Variants in CCNYL1 observed in about 807,000 individuals in gnomAD.
The protein encoded by CCNYL1 is cyclin Y like 1.
CCNYL1 carries 16 observed loss-of-function variants against 44.2 expected under a neutral mutation model. The ratio of observed to expected loss-of-function variants is 0.36; its 90% confidence interval spans 0.25 to 0.55. The LOEUF (loss-of-function observed/expected upper bound fraction) is 0.55. Ranked by LOEUF, CCNYL1 falls within the 20% of genes least tolerant of loss-of-function variation. The pLI, the probability that CCNYL1 is intolerant of heterozygous loss-of-function variation, is 0.85. For synonymous variants in CCNYL1, 159 were observed against 163.2 expected (o/e 0.97, Z 0.20); for missense variants, 348 against 451.8 (o/e 0.77, Z 2.08).
chr2:207,723,860 G>A (rs749496702), intron 1 of CCNYL1, among the ~76,000 whole-genome samples: 15 of 133,174 alleles, frequency 1.1e-4, no homozygotes, highest in South Asian at 7.9e-4. Context: ...GGGCAATAGA[G>A]TGAGACTCCA....
At chr2:207,714,208 T>C in intron 1 of CCNYL1, 1 of 363,812 alleles carries the variant, frequency 2.7e-6, no homozygotes, top group Non-Finnish European at 5.2e-6. Flanking sequence ...GAATGCATCA[T>C]GTATTTTACC....
At chr2:207,751,715 G>A (rs1360643990) in intron 9 of CCNYL1, among the ~76,000 whole-genome samples, 3 of 152,152 alleles carry the variant, frequency 2.0e-5, no homozygotes, top group African/African-American at 4.8e-5. Flanking sequence ...TTAGCCGGCC[G>A]TGGTGGCGCA....
chr2:207,745,939 TAC>T (rs1559172490), intron 7 of CCNYL1, among the ~76,000 whole-genome samples: 1 of 152,224 alleles, frequency 6.6e-6, no homozygotes. Context: ...TTTGTCTTGA[TAC>T]AGAGTTCAAA....
At position 207,751,059 on chromosome 2, in the gene CCNYL1, T is replaced by C. The variant is rs749775757; in HGVS notation, c.909T>C (p.Asp303=). 1 of 1,614,162 alleles carries C rather than the reference T, an allele frequency of 6.2e-7. No individual in the cohort carries two copies. Among genetic ancestry groups the C allele is most frequent in the Non-Finnish European group, 8.5e-7 (1 of 1,180,002 alleles). Residue 303 remains aspartate, a synonymous_variant, in exon 9 of 10, where the codon GAT becomes GAC. Transcript: ENST00000295414. Reference sequence around the variant, plus strand: ...ACTTTGACCTTCGCTCCTTAGCAGATGACAACAACCTGAATTTTCTATTTG... The same window carrying C: ...ACTTTGACCTTCGCTCCTTAGCAGACGACAACAACCTGAATTTTCTATTTG... ...KYYFDLRSLA[D]DNNLNFLFAP... is the part of the protein sequence containing the mutation.
chr2:207,742,789 C>A (rs1353418430), intron 7 of CCNYL1, among the ~76,000 whole-genome samples: 1 of 152,164 alleles, frequency 6.6e-6, no homozygotes, highest in Non-Finnish European at 1.5e-5. Context: ...GCCCTAAATT[C>A]TTTGTTCCTT....
chr2:207,741,663 G>A (rs1374929831), intron 6 of CCNYL1, among the ~76,000 whole-genome samples: 1 of 151,900 alleles, frequency 6.6e-6, no homozygotes, highest in Non-Finnish European at 1.5e-5. Flanking sequence ...TGGCCAGCAT[G>A]GTGAAACCCT....
intron 5 of CCNYL1, among the ~76,000 whole-genome samples, chr2:207,738,449 G>A (rs60390101): frequency 0.028 from 4,210 of 152,140 alleles, 204 homozygotes; most frequent in African/African-American, 0.096. Flanking sequence ...TTGAACTCCC[G>A]ACCTCAGGTG....
At chr2:207,717,108 C>CA (rs1171959044) in intron 1 of CCNYL1, among the ~76,000 whole-genome samples, 3,566 of 61,854 alleles carry the variant, frequency 0.058, 171 homozygotes, top group African/African-American at 0.18. Flanking sequence ...GACTCCATCT[C>CA]AAAAAAAAAA....
At chr2:207,735,429 T>C (rs2105830925) in intron 4 of CCNYL1, among the ~76,000 whole-genome samples, 1 of 152,282 alleles carries the variant, frequency 6.6e-6, no homozygotes, top group African/African-American at 2.4e-5. Context: ...CTCTAGGCAG[T>C]CACAAGCCTT....
At chr2:207,712,977 A>G (rs1158829233) in intron 1 of CCNYL1, among the ~76,000 whole-genome samples, 2 of 152,058 alleles carry the variant, frequency 1.3e-5, no homozygotes, top group Non-Finnish European at 2.9e-5. Context: ...CACCACGCCC[A>G]GCTAATTTTT....
At chr2:207,740,592 C>G in intron 5 of CCNYL1, 63 bp from the exon 6 acceptor site, 1 of 1,125,856 alleles carries the variant, frequency 8.9e-7, no homozygotes, top group East Asian at 2.4e-5. Flanking sequence ...CCCCAGCAGA[C>G]ATTTTACTCA....
At chr2:207,750,839 G>C (rs2091885925) in intron 8 of CCNYL1, 118 bp from the exon 9 acceptor site, 2 of 805,292 alleles carry the variant, frequency 2.5e-6, no homozygotes, top group Non-Finnish European at 3.9e-6. Context: ...CAACTGGGTA[G>C]CCTATATTTT....
At chr2:207,737,233 C>T (rs1024580897) in intron 4 of CCNYL1, among the ~76,000 whole-genome samples, 178 bp from the exon 5 acceptor site, 9 of 152,000 alleles carry the variant, frequency 5.9e-5, no homozygotes, top group Non-Finnish European at 1.0e-4. Context: ...CATTTTGGTT[C>T]GTGTATTTTT....
chr2:207,736,460 T>C (rs1480284142), intron 4 of CCNYL1, among the ~76,000 whole-genome samples: 2 of 152,216 alleles, frequency 1.3e-5, no homozygotes, highest in African/African-American at 2.4e-5. Flanking sequence ...TGTTCACTAA[T>C]ATTTTACTTA....
chr2:207,718,888 A>G (rs1476764823), intron 1 of CCNYL1, among the ~76,000 whole-genome samples: 1 of 152,222 alleles, frequency 6.6e-6, no homozygotes, highest in African/African-American at 2.4e-5. Context: ...CATTATTTTC[A>G]ATAGCTAAAT....
chr2:207,722,962 A>G (rs1232330539), intron 1 of CCNYL1, among the ~76,000 whole-genome samples: 6 of 142,580 alleles, frequency 4.2e-5, no homozygotes, highest in Non-Finnish European at 7.7e-5. Flanking sequence ...CTTCTCTCGG[A>G]AAAAAAAAAA....
In CCNYL1 at chr2:207,753,923, C is replaced by A; in HGVS notation, c.*225C>A. The A allele has an allele frequency of 8.9e-4, 339 of 380,360 alleles. No homozygotes were observed. The highest frequency in any genetic ancestry group is 9.2e-4 in the Non-Finnish European group (195 of 210,910). The allele number at this position is 380,360 out of a possible 1,614,324, so 23.6% of individuals were successfully genotyped here. On this transcript the variant is annotated 3_prime_UTR_variant, in exon 10 of 10. Coordinates refer to ENST00000295414, the MANE Select transcript of CCNYL1 (RefSeq NM_001330218.2). Reference sequence around the variant, plus strand: ...GTCCTTTTTAATGTAAACAGAGTTACAAAAACCACTCCAAAGTGAAGGCTC... The same window carrying A: ...GTCCTTTTTAATGTAAACAGAGTTAAAAAAACCACTCCAAAGTGAAGGCTC...
chr2:207,742,447 C>T (rs1575221029), intron 7 of CCNYL1, 105 bp downstream of exon 7: 1 of 1,045,646 alleles, frequency 9.6e-7, no homozygotes, highest in East Asian at 2.5e-5. Flanking sequence ...ATCATCAGAA[C>T]TTTAAGAGAA....
chr2:207,742,398 A>G (rs1175099977), intron 7 of CCNYL1, 56 bp downstream of exon 7: 15 of 1,469,316 alleles, frequency 1.0e-5, no homozygotes, highest in Non-Finnish European at 1.3e-5. Context: ...TACACAGGGT[A>G]TGGTCCTATT....
Sources: gnomAD v4.1 joint callset for allele counts (sites outside exome capture counted in the v4.1 genomes callset) on GRCh38, gnomAD v4.1.1 for gene constraint, MANE v1.5 for transcripts, NCBI Gene and HGNC (gene_info 2026-07-23, HGNC 2026-07-21) for gene names.